Variants in TRHDE observed in about 807,000 individuals in gnomAD.
TRHDE encodes the protein thyrotropin-releasing hormone-degrading ectoenzyme.
TRHDE carries 72 observed loss-of-function variants against 125.7 expected under a neutral mutation model. The ratio of observed to expected loss-of-function variants is 0.57; its 90% CI spans 0.47 to 0.70. The LOEUF (loss-of-function observed/expected upper bound fraction) is 0.70, where lower values mean the gene tolerates loss of function less well. TRHDE is among the 30% of genes least tolerant of loss of function. The pLI, the probability that TRHDE is intolerant of heterozygous loss-of-function variation, is 0.00. For missense variants in TRHDE, 1,110 were observed against 1,327.1 expected, an observed-to-expected ratio of 0.84 and a Z score of 2.54; for synonymous variants, 509 against 509.1, an observed-to-expected ratio of 1.00 and a Z score of 0.00.
chr12:72,432,506 T>A (rs1874536778), intron 3 of TRHDE, among the ~76,000 whole-genome samples: 1 of 152,166 alleles, frequency 6.6e-6, no homozygotes, highest in Non-Finnish European at 1.5e-5. Context: ...CTCAGGGTTA[T>A]AGGACAGCTG....
intron 2 of TRHDE, among the ~76,000 whole-genome samples, chr12:72,111,688 C>G (rs1386492255): frequency 1.3e-5 from 2 of 152,170 alleles, no homozygotes; most frequent in Non-Finnish European, 2.9e-5. Flanking sequence ...TCTTGATGAA[C>G]TTTTGTGATA....
chr12:72,557,569 G>A (rs113323073), intron 7 of TRHDE, among the ~76,000 whole-genome samples: 3 of 152,166 alleles, frequency 2.0e-5, no homozygotes, highest in African/African-American at 4.8e-5. Context: ...CTCATTAATA[G>A]GAAAGCAATT....
chr12:72,093,928 A>G (rs1428501032), intron 1 of TRHDE, among the ~76,000 whole-genome samples: 1 of 152,086 alleles, frequency 6.6e-6, no homozygotes, highest in African/African-American at 2.4e-5. Context: ...TGGTATCTGT[A>G]TTTGAAGGAG....
chr12:72,514,011 C>T (rs1878718277), intron 6 of TRHDE, among the ~76,000 whole-genome samples: 1 of 152,172 alleles, frequency 6.6e-6, no homozygotes, highest in African/African-American at 2.4e-5. Context: ...CAACCTTTGA[C>T]TGGCATCGGA....
chr12:72,311,913 CT>C (rs11410885), intron 2 of TRHDE, among the ~76,000 whole-genome samples: 1 of 151,680 alleles, frequency 6.6e-6, no homozygotes. Flanking sequence ...TCTTACTCTT[CT>C]TTTTTTTATT....
intron 7 of TRHDE, among the ~76,000 whole-genome samples, chr12:72,555,320 T>A (rs926733746): frequency 1.3e-5 from 2 of 152,180 alleles, no homozygotes; most frequent in East Asian, 3.8e-4. Flanking sequence ...CCTTCTTCTA[T>A]CTCTCCAATA....
At chr12:72,636,477 T>C (rs1000633431) in intron 15 of TRHDE, among the ~76,000 whole-genome samples, 12 of 151,332 alleles carry the variant, frequency 7.9e-5, no homozygotes, top group Non-Finnish European at 1.3e-4. Context: ...CCTCTTTTCC[T>C]AATTGAATAC....
At chr12:72,173,534 C>G (rs1290445148) in intron 2 of TRHDE, among the ~76,000 whole-genome samples, 3 of 152,158 alleles carry the variant, frequency 2.0e-5, no homozygotes, top group African/African-American at 7.2e-5. Context: ...CTTGAAGGAC[C>G]TACTTATCCC....
intron 2 of TRHDE, among the ~76,000 whole-genome samples, chr12:72,136,690 G>A (rs1281448000): frequency 1.3e-5 from 2 of 152,188 alleles, no homozygotes; most frequent in African/African-American, 4.8e-5. Context: ...CCACGGAGAG[G>A]GAATATCCAA....
intron 3 of TRHDE, among the ~76,000 whole-genome samples, chr12:72,413,251 A>G (rs1465014119): frequency 1.3e-5 from 2 of 151,974 alleles, no homozygotes; most frequent in Admixed American, 6.6e-5. Flanking sequence ...TTTATTTTGC[A>G]AACTATAGAA....
intron 3 of TRHDE, among the ~76,000 whole-genome samples, chr12:72,380,389 G>T (rs1872087168): frequency 6.6e-6 from 1 of 152,200 alleles, no homozygotes. Flanking sequence ...AGAACAGATG[G>T]ATAGGAAGTG....
At chr12:72,411,171 C>A (rs1873487282) in intron 3 of TRHDE, among the ~76,000 whole-genome samples, 1 of 149,590 alleles carries the variant, frequency 6.7e-6, no homozygotes, top group Admixed American at 6.7e-5. Flanking sequence ...CCACTGCACT[C>A]CAGCCTAGGC....
intron 6 of TRHDE, among the ~76,000 whole-genome samples, chr12:72,516,454 T>C (rs1878864903): frequency 1.3e-5 from 2 of 152,042 alleles, no homozygotes; most frequent in African/African-American, 4.8e-5. Context: ...TTGTCTGTTA[T>C]TGGTGTATAA....
chr12:72,151,026 G>C (rs1003256184), intron 2 of TRHDE, among the ~76,000 whole-genome samples: 3 of 152,150 alleles, frequency 2.0e-5, no homozygotes, highest in African/African-American at 7.2e-5. Context: ...CAGTGTAAAA[G>C]TGTTCCTATT....
chr12:72,466,340 C>T (rs145359426), intron 3 of TRHDE, among the ~76,000 whole-genome samples: 3 of 152,236 alleles, frequency 2.0e-5, no homozygotes, highest in East Asian at 1.9e-4. Flanking sequence ...TTAGCCTTGA[C>T]GACCGACTAC....
At chr12:72,527,783 A>C (rs1868364124) in intron 6 of TRHDE, among the ~76,000 whole-genome samples, 1 of 152,138 alleles carries the variant, frequency 6.6e-6, no homozygotes, top group Admixed American at 6.6e-5. Flanking sequence ...CAACATACAC[A>C]ATAAAATATT....
intron 2 of TRHDE, among the ~76,000 whole-genome samples, chr12:72,155,903 C>T (rs1876493053): frequency 6.6e-6 from 1 of 152,304 alleles, no homozygotes; most frequent in Admixed American, 6.5e-5. Context: ...GCTGGGAGAA[C>T]CACTACTCTC....
chr12:72,379,840 A>G (rs1436471437), intron 3 of TRHDE, among the ~76,000 whole-genome samples: 1 of 152,190 alleles, frequency 6.6e-6, no homozygotes, highest in African/African-American at 2.4e-5. Context: ...ACTTCTTTTT[A>G]TATATCTAGG....
intron 2 of TRHDE, among the ~76,000 whole-genome samples, chr12:72,222,386 T>A (rs886287078): frequency 6.6e-6 from 1 of 152,086 alleles, no homozygotes; most frequent in Non-Finnish European, 1.5e-5. Flanking sequence ...CTTGGATATA[T>A]CTGAGGGAAA....
Sources: gnomAD v4.1 joint callset for allele counts (sites outside exome capture counted in the v4.1 genomes callset) on GRCh38, gnomAD v4.1.1 for gene constraint, MANE v1.5 for transcripts, NCBI Gene and HGNC (gene_info 2026-07-23, HGNC 2026-07-21) for gene names.